Variants in DIAPH1 observed in about 807,000 individuals in gnomAD.
DIAPH1 encodes diaphanous related formin 1.
A neutral mutation model predicts 140.7 loss-of-function variants in DIAPH1; 46 were observed. The observed-to-expected ratio is 0.33, with a 90% CI of 0.26 to 0.42. The LOEUF (loss-of-function observed/expected upper bound fraction) is 0.42. DIAPH1 is among the 10% of genes least tolerant of loss of function. The pLI is 1.00. For missense variants in DIAPH1, 1,310 were observed against 1,558.7 expected (o/e 0.84, Z 2.69); for synonymous variants, 565 against 551.6 (o/e 1.02, Z -0.34).
At chr5:141,538,895 A>T (rs977437496) in intron 18 of DIAPH1, among the ~76,000 whole-genome samples, 1 of 152,156 alleles carries the variant, frequency 6.6e-6, no homozygotes, top group African/African-American at 2.4e-5. Context: ...GATTTTTGCT[A>T]CCAAATTCAT....
intron 1 of DIAPH1, among the ~76,000 whole-genome samples, chr5:141,601,811 A>G (rs1047159729): frequency 6.6e-6 from 1 of 152,238 alleles, no homozygotes; most frequent in African/African-American, 2.4e-5. Flanking sequence ...AAAAGTTTCA[A>G]TTCAAGGTAT....
intron 16 of DIAPH1, among the ~76,000 whole-genome samples, chr5:141,572,249 A>G (rs1218901849): frequency 1.3e-5 from 2 of 152,230 alleles, no homozygotes; most frequent in East Asian, 3.8e-4. Flanking sequence ...TTCAAGAACT[A>G]GATTCATATA....
At chr5:141,586,637 T>C (rs1054436117) in intron 3 of DIAPH1, among the ~76,000 whole-genome samples, 5 of 152,236 alleles carry the variant, frequency 3.3e-5, no homozygotes, top group Non-Finnish European at 7.3e-5. Context: ...TACAGGACCT[T>C]GAGCAAATGA....
At chr5:141,616,482 C>A (rs1022358963) in intron 1 of DIAPH1, among the ~76,000 whole-genome samples, 2 of 152,144 alleles carry the variant, frequency 1.3e-5, no homozygotes, top group Admixed American at 1.3e-4. Flanking sequence ...GCCTATAGTT[C>A]AAGAAAACTA....
chr5:141,528,006 G>T (rs865818528), intron 23 of DIAPH1, among the ~76,000 whole-genome samples: 12 of 152,222 alleles, frequency 7.9e-5, no homozygotes, highest in South Asian at 4.1e-4. Flanking sequence ...TGAGATCTTG[G>T]TCTCATTTAT....
chr5:141,604,157 G>C (rs2099900586), intron 1 of DIAPH1, among the ~76,000 whole-genome samples: 1 of 152,228 alleles, frequency 6.6e-6, no homozygotes, highest in South Asian at 2.1e-4. Context: ...AGGCACACCG[G>C]TATCTTCTGC....
chr5:141,536,493 C>T lies in DIAPH1; in HGVS notation c.2483-2060G>A, dbSNP rs565985739. On this transcript the variant is annotated intron_variant, in intron 18 of 27. Transcript: ENST00000389054. Reference sequence around the variant, plus strand: ...TGCCTTCATGGAACTTACGTCCTAACAAAAATAAATAAACTAGACCATTTA... The same window carrying T: ...TGCCTTCATGGAACTTACGTCCTAATAAAAATAAATAAACTAGACCATTTA... Among the ~76,000 whole-genome samples, 197 of 151,902 alleles carry T rather than the reference C, an allele frequency of 1.3e-3. 1 individual carries two copies. Among genetic ancestry groups the T allele is most frequent in the Non-Finnish European group, 2.0e-3 (135 of 67,960 alleles).
chr5:141,583,324 CA>C, intron 5 of DIAPH1, 32 bp from the exon 6 acceptor site: 1 of 1,609,596 alleles, frequency 6.2e-7, no homozygotes, highest in Non-Finnish European at 8.5e-7. Flanking sequence ...AATGCAATAT[CA>C]AACCAATAAA....
intron 4 of DIAPH1, 36 bp downstream of exon 4, chr5:141,584,088 G>T: frequency 7.4e-7 from 1 of 1,342,456 alleles, no homozygotes; most frequent in Non-Finnish European, 1.1e-6. Context: ...CAAGGGCACA[G>T]TCTCCCATGT....
intron 18 of DIAPH1, among the ~76,000 whole-genome samples, chr5:141,545,905 A>AT (rs1322319427): frequency 6.6e-6 from 1 of 152,232 alleles, no homozygotes; most frequent in Non-Finnish European, 1.5e-5. Context: ...GGTCTAACCA[A>AT]TAGTGTTGGG....
intron 1 of DIAPH1, among the ~76,000 whole-genome samples, chr5:141,612,527 C>T (rs911134661): frequency 6.6e-6 from 1 of 152,012 alleles, no homozygotes; most frequent in South Asian, 2.1e-4. Context: ...TAAAAGAAGC[C>T]CCAGCAAAAG....
At chr5:141,586,852 C>G (rs2099897621) in intron 3 of DIAPH1, among the ~76,000 whole-genome samples, 190 bp downstream of exon 3, 1 of 152,110 alleles carries the variant, frequency 6.6e-6, no homozygotes, top group Non-Finnish European at 1.5e-5. Flanking sequence ...AGCACAGATT[C>G]CAATTTTATG....
intron 26 of DIAPH1, 156 bp from the exon 27 acceptor site, chr5:141,524,385 C>A: frequency 1.4e-6 from 1 of 719,410 alleles, no homozygotes. Flanking sequence ...CCTTAAGTCT[C>A]ACACGCTCAT....
In DIAPH1 at chr5:141,519,716, G is replaced by A. The variant is rs569441376; in HGVS notation, c.3662-2708C>T. Among the ~76,000 whole-genome samples, 40 of 152,332 alleles carry A rather than the reference G, an allele frequency of 2.6e-4. No individual in the cohort carries two copies. The South Asian group carries it at 6.0e-3, about 23-fold the overall frequency. On this transcript the variant is annotated intron_variant, in intron 27 of 27. Transcript: ENST00000389054. Reference sequence around the variant, plus strand: ...TGAAAGCCTATACACCAGGGAGGGTGTGATTTGGCCTAAGGTCAGGGGATG... The same window carrying A: ...TGAAAGCCTATACACCAGGGAGGGTATGATTTGGCCTAAGGTCAGGGGATG...
intron 1 of DIAPH1, among the ~76,000 whole-genome samples, chr5:141,610,189 G>A (rs1424030700): frequency 6.6e-6 from 1 of 151,998 alleles, no homozygotes; most frequent in Non-Finnish European, 1.5e-5. Flanking sequence ...GCCCAAGGGT[G>A]ACATGATGTA....
rs533953418 is a variant in DIAPH1, at chr5:141,593,345, C to T, written c.118-5095G>A. Among the ~76,000 whole-genome samples, 5 of 152,226 alleles carry T rather than the reference C, an allele frequency of 3.3e-5. No homozygotes were observed. In the South Asian group the frequency reaches 6.2e-4, roughly 19 times the overall value. On this transcript the variant is annotated intron_variant, in intron 1 of 27. Transcript: ENST00000389054. ...AGTTTGTTCTCAGAAGAGGGTAAAA[C>T]GGAGGGTCTCTGGATTGGAGGATGC...
intron 1 of DIAPH1, among the ~76,000 whole-genome samples, chr5:141,592,106 A>G (rs952288699): frequency 1.3e-5 from 2 of 151,538 alleles, no homozygotes; most frequent in African/African-American, 2.4e-5. Context: ...AGAAAGAAAG[A>G]AAATTTAAAA....
chr5:141,604,621 G>A (rs1210053372), intron 1 of DIAPH1, among the ~76,000 whole-genome samples: 2 of 152,182 alleles, frequency 1.3e-5, no homozygotes, highest in African/African-American at 2.4e-5. Flanking sequence ...AACTGCTACC[G>A]CTTCTACATA....
chr5:141,616,714 T>A (rs1434219186), intron 1 of DIAPH1, among the ~76,000 whole-genome samples: 2 of 152,320 alleles, frequency 1.3e-5, no homozygotes, highest in East Asian at 3.9e-4. Context: ...CTAGAAACCT[T>A]CCAATTCCGT....
Sources: gnomAD v4.1 joint callset for allele counts (sites outside exome capture counted in the v4.1 genomes callset) on GRCh38, gnomAD v4.1.1 for gene constraint, MANE v1.5 for transcripts, NCBI Gene and HGNC (gene_info 2026-07-23, HGNC 2026-07-21) for gene names.